The following OTUD7B variants were observed in gnomAD, a reference collection of about 807,000 sequenced individuals.
OTUD7B encodes OTU deubiquitinase 7B.
A neutral mutation model predicts 82.2 loss-of-function variants in OTUD7B; 34 were observed. That is an observed-to-expected ratio of 0.41 (90% confidence interval 0.31 to 0.55). The LOEUF is 0.55. OTUD7B is among the 20% of genes least tolerant of loss of function. The pLI is 0.20. For missense variants in OTUD7B, 944 were observed against 1,062.1 expected (o/e 0.89, Z 1.55); for synonymous variants, 398 against 402.7 (o/e 0.99, Z 0.14).
At position 149,971,066 on chromosome 1, in the gene OTUD7B, G is replaced by T; in HGVS notation, c.271C>A (p.Gln91Lys). 6.2e-7 allele frequency: 1 copy of T among 1,604,068 alleles called. No individual in the cohort carries two copies. The highest frequency in any genetic ancestry group is 1.1e-5 in the South Asian group (1 of 90,238). Residue 91 changes from glutamine (Q) to lysine (K), a missense_variant, in exon 3 of 12, where the codon CAA becomes AAA. Physicochemically the swap from Gln to Lys is moderately conservative, Grantham distance 53. Transcript: ENST00000581312. Reference sequence around the variant, plus strand: ...AACATTCCAGTCACCCCAGTACCTTGAACGATGTCATCCTGCCGCTGGAGG... The same window carrying T: ...AACATTCCAGTCACCCCAGTACCTTTAACGATGTCATCCTGCCGCTGGAGG... ...PILQRQDDIVQEKRLSRGISH... is the reference protein window; with the variant it reads ...PILQRQDDIVKEKRLSRGISH...
At chr1:150,008,960 A>G (rs1553786704) in intron 1 of OTUD7B, among the ~76,000 whole-genome samples, 1 of 152,158 alleles carries the variant, frequency 6.6e-6, no homozygotes, top group African/African-American at 2.4e-5. Context: ...GGTCGGGGGT[A>G]TTCAGCCTGC....
At chr1:150,052,783 T>C in the OTUD7B span, among the ~76,000 whole-genome samples, 3 of 147,406 alleles carry the variant, frequency 2.0e-5, no homozygotes, top group Middle Eastern at 3.6e-3. Flanking sequence ...AACAGCATGG[T>C]ACTGGTAAAA....
At position 149,951,602 on chromosome 1, in the gene OTUD7B, C is replaced by T. The variant is rs1171604134; in HGVS notation, c.846-1381G>A. On this transcript the variant is annotated intron_variant, in intron 7 of 11. Transcript: ENST00000581312. ...CACATACTCAATATTCAATGGCTTC[C>T]ACCCCCTAAAGCAATTTTATTCAAT... Among the ~76,000 whole-genome samples the T allele has an allele frequency of 2.6e-5, 4 of 152,082 alleles. No individual in the cohort carries two copies. The East Asian group carries it at 7.7e-4, about 29-fold the overall frequency.
At chr1:150,057,309 A>G in the OTUD7B span, among the ~76,000 whole-genome samples, 26 of 152,214 alleles carry the variant, frequency 1.7e-4, no homozygotes, top group Non-Finnish European at 2.9e-4. Context: ...GTTAATATTG[A>G]AGGAAGTTTG....
chr1:150,032,618 G>A, the OTUD7B span, among the ~76,000 whole-genome samples: 1 of 143,118 alleles, frequency 7.0e-6, no homozygotes, highest in Middle Eastern at 3.5e-3. Flanking sequence ...CTGGGCGACA[G>A]AGCAAAATCC....
At chr1:149,987,627 T>G (rs1651244070) in intron 1 of OTUD7B, among the ~76,000 whole-genome samples, 1 of 152,178 alleles carries the variant, frequency 6.6e-6, no homozygotes, top group Non-Finnish European at 1.5e-5. Context: ...ACTCCACTGG[T>G]GCCCAACATA....
chr1:149,975,617 G>C (rs782546295), intron 2 of OTUD7B, among the ~76,000 whole-genome samples: 3 of 152,192 alleles, frequency 2.0e-5, no homozygotes, highest in Non-Finnish European at 4.4e-5. Flanking sequence ...AGGATGAGGA[G>C]AATAGAGGAA....
intron 7 of OTUD7B, among the ~76,000 whole-genome samples, chr1:149,950,961 T>G (rs1648176717): frequency 1.2e-5 from 1 of 82,540 alleles, no homozygotes; most frequent in Non-Finnish European, 2.3e-5. Context: ...CCGGTCTAAT[T>G]TTTTGTACTT....
At chr1:150,020,953 C>T in the OTUD7B span, among the ~76,000 whole-genome samples, 1 of 152,198 alleles carries the variant, frequency 6.6e-6, no homozygotes, top group Non-Finnish European at 1.5e-5. Context: ...TCTGCTGGGG[C>T]AGCGCCTTCC....
chr1:149,972,365 C>T (rs1553777802), intron 2 of OTUD7B, among the ~76,000 whole-genome samples: 1 of 152,156 alleles, frequency 6.6e-6, no homozygotes, highest in African/African-American at 2.4e-5. Context: ...CATCACTGAC[C>T]TTGCTGTTCC....
intron 1 of OTUD7B, among the ~76,000 whole-genome samples, chr1:149,989,471 C>CA (rs1158826492): frequency 0.91 from 102,441 of 113,008 alleles, 46,441 homozygotes; most frequent in East Asian, 0.96. Flanking sequence ...AGACTCTGTC[C>CA]AAAAAAAAAA....
chr1:150,067,345 A>G, the OTUD7B span: 1 of 153,524 alleles, frequency 6.5e-6, no homozygotes, highest in African/African-American at 2.4e-5. Flanking sequence ...GATTTATTAA[A>G]TGCCGTCTCT....
intron 1 of OTUD7B, among the ~76,000 whole-genome samples, chr1:150,002,993 G>A (rs1652397916): frequency 6.6e-6 from 1 of 152,188 alleles, no homozygotes; most frequent in South Asian, 2.1e-4. Context: ...GCTCTCGCCT[G>A]TAATCCCAGC....
the OTUD7B span, chr1:150,067,150 C>A: frequency 0.088 from 13,365 of 152,326 alleles, 888 homozygotes; most frequent in South Asian, 0.24. Context: ...CAGAAACATC[C>A]CTAAAAGGCG....
chr1:150,025,621 G>A, the OTUD7B span, among the ~76,000 whole-genome samples: 11 of 152,218 alleles, frequency 7.2e-5, no homozygotes, highest in African/African-American at 2.2e-4. Flanking sequence ...CAACTTCAGA[G>A]CCTCACATCT....
At chr1:150,060,841 C>A in the OTUD7B span, among the ~76,000 whole-genome samples, 1 of 152,314 alleles carries the variant, frequency 6.6e-6, no homozygotes, top group East Asian at 1.9e-4. Flanking sequence ...CCAGTGGCAT[C>A]CCACTTGCTC....
chr1:149,985,026 G>C (rs1229256695), intron 1 of OTUD7B, among the ~76,000 whole-genome samples: 2 of 152,052 alleles, frequency 1.3e-5, no homozygotes, highest in Non-Finnish European at 2.9e-5. Context: ...ACCACTATGA[G>C]CAATTTAAAA....
chr1:149,985,505 C>T (rs1271805458), intron 1 of OTUD7B, among the ~76,000 whole-genome samples: 5 of 152,198 alleles, frequency 3.3e-5, no homozygotes, highest in East Asian at 1.9e-4. Flanking sequence ...TGGGAGACCA[C>T]GGAGGAAGGA....
At chr1:149,952,173 A>G (rs1648309331) in intron 7 of OTUD7B, among the ~76,000 whole-genome samples, 1 of 151,324 alleles carries the variant, frequency 6.6e-6, no homozygotes, top group South Asian at 2.1e-4. Context: ...TACATTAGAT[A>G]TATCTCCTAA....
Sources: gnomAD v4.1 joint callset for allele counts (sites outside exome capture counted in the v4.1 genomes callset) on GRCh38, gnomAD v4.1.1 for gene constraint, MANE v1.5 for transcripts, NCBI Gene and HGNC (gene_info 2026-07-23, HGNC 2026-07-21) for gene names.